Variants in KLHL4 observed in about 807,000 individuals in gnomAD.
The protein encoded by KLHL4 is kelch-like protein 4.
KLHL4 carries 17 observed loss-of-function variants against 45.8 expected under a neutral mutation model. The ratio of observed to expected loss-of-function variants is 0.37; its 90% CI spans 0.25 to 0.56. KLHL4 has a LOEUF of 0.56. KLHL4 is among the 20% of genes least tolerant of loss of function. The probability of loss-of-function intolerance (pLI) is 0.79; values close to 1 mark genes in which losing one functional copy is unlikely to be tolerated. For synonymous variants in KLHL4, 224 were observed against 189.9 expected, an observed-to-expected ratio of 1.18 and a Z score of -1.47; for missense variants, 544 against 544.9, an observed-to-expected ratio of 1.00 and a Z score of 0.02.
chrX:87,604,342 G>A (rs768806961), intron 1 of KLHL4, among the ~76,000 whole-genome samples: 2 of 111,062 alleles, frequency 1.8e-5, no homozygotes, highest in South Asian at 7.6e-4. Context: ...AAATCTACAT[G>A]CTGTTTTCCA....
In KLHL4 at chrX:87,622,347, G is replaced by A. The variant is rs1349335740; in HGVS notation, c.1061G>A (p.Gly354Glu). The part of the protein sequence containing the change: ...TIFHALMQWV[G>E]HDVQNRQGEL... Reference sequence around the variant, plus strand: ...TTTCATGCTCTAATGCAGTGGGTGGGGCATGATGTGCAGAATAGGCAAGGA... The same window carrying A: ...TTTCATGCTCTAATGCAGTGGGTGGAGCATGATGTGCAGAATAGGCAAGGA... The change falls in exon 5 of 11, where the codon GGG becomes GAG. Residue 354 changes from glycine to glutamate, a missense_variant. Transcript: ENST00000373119. The A allele has an allele frequency of 1.7e-6, 2 of 1,209,278 alleles. No homozygotes were observed. Among genetic ancestry groups the A allele is most frequent in the Admixed American group, 4.4e-5 (2 of 45,896 alleles).
Position 87,644,023 on chromosome X carries a change from TCAA to T in KLHL4, c.1925+8251_1925+8253del, listed in dbSNP as rs1373851368. Among the ~76,000 whole-genome samples, 168 of 111,320 alleles carry T rather than the reference TCAA, an allele frequency of 1.5e-3. 1 individual carries two copies. The highest frequency in any genetic ancestry group is 5.1e-3 in the African/African-American group (157 of 30,650). On this transcript the variant is annotated intron_variant, in intron 9 of 10. Transcript: ENST00000373119. ...GGCTGCCCACTGTCTGCACTCCTCT[TCAA>T]CATGGTACTGGAAGTCATAGCCAGA...
intron 1 of KLHL4, among the ~76,000 whole-genome samples, chrX:87,519,244 A>G (rs1407455698): frequency 8.9e-6 from 1 of 112,017 alleles, no homozygotes; most frequent in Non-Finnish European, 1.9e-5. Context: ...ATAGAAAAAT[A>G]AGTGTTTTTA....
At chrX:87,543,535 G>A (rs1248312333) in intron 1 of KLHL4, among the ~76,000 whole-genome samples, 2 of 111,289 alleles carry the variant, frequency 1.8e-5, no homozygotes, top group Non-Finnish European at 3.8e-5. Context: ...GGTGCAGAGA[G>A]CTTCTCTGGG....
intron 1 of KLHL4, among the ~76,000 whole-genome samples, chrX:87,583,522 G>A (rs1163999380): frequency 1.8e-5 from 2 of 112,093 alleles, no homozygotes; most frequent in Non-Finnish European, 3.8e-5. Flanking sequence ...TCAGAGTTGT[G>A]AGGCCCACAT....
chrX:87,607,717 C>T (rs760446990), intron 1 of KLHL4, among the ~76,000 whole-genome samples: 2 of 111,693 alleles, frequency 1.8e-5, no homozygotes, highest in African/African-American at 3.2e-5. Flanking sequence ...CTCTCATAAA[C>T]GGCTCTTCTT....
chrX:87,628,730 T>A lies in KLHL4; in HGVS notation c.1324+2934T>A, dbSNP rs777112135. Among the ~76,000 whole-genome samples, 4 of 111,453 alleles carry A rather than the reference T, an allele frequency of 3.6e-5. No homozygotes were observed. In the South Asian group the frequency reaches 1.5e-3, roughly 42 times the overall value. ...ATTGAAATTTTAAAAATTTGAAAAA[T>A]TTAACTTTTATATTTTGATGTTTAG... On this transcript the variant is annotated intron_variant, in intron 6 of 10. Transcript: ENST00000373119.
chrX:87,635,576 G>A lies in KLHL4; in HGVS notation c.1726G>A (p.Gly576Ser). ...CTTTTTATCTAGATTATATGCTATT[G>A]GTGGACGTGATGGAAGTTCCTGCCT... ...VALNNKLYAI[G>S]GRDGSSCLKS... Residue 576 changes from glycine to serine, a missense_variant, in exon 9 of 11, where the codon GGT (glycine) becomes AGT (serine). Gly to Ser is a moderately conservative substitution (Grantham distance 56). Coordinates refer to ENST00000373119, the MANE Select transcript of KLHL4 (RefSeq NM_019117.5). 8.3e-7 allele frequency: 1 copy of A among 1,206,956 alleles called. No individual in the cohort carries two copies. Among genetic ancestry groups the A allele is most frequent in the Non-Finnish European group, 1.1e-6 (1 of 891,678 alleles).
At chrX:87,552,884 A>G (rs1174386004) in intron 1 of KLHL4, among the ~76,000 whole-genome samples, 1 of 110,128 alleles carries the variant, frequency 9.1e-6, no homozygotes, top group African/African-American at 3.3e-5. Flanking sequence ...AAGAATTACT[A>G]TCTGATAGCA....
chrX:87,654,783 T>C (rs759510259), intron 9 of KLHL4, among the ~76,000 whole-genome samples: 26 of 112,080 alleles, frequency 2.3e-4, no homozygotes, highest in Non-Finnish European at 4.1e-4. Context: ...GTGTTCCCTT[T>C]TCTCTGCATC....
chrX:87,538,883 G>C (rs1233434766), intron 1 of KLHL4, among the ~76,000 whole-genome samples: 1 of 111,376 alleles, frequency 9.0e-6, no homozygotes, highest in Non-Finnish European at 1.9e-5. Flanking sequence ...TGCTTCTCTT[G>C]CTGGACATTG....
At chrX:87,528,519 A>G (rs952568593) in intron 1 of KLHL4, among the ~76,000 whole-genome samples, 1 of 108,665 alleles carries the variant, frequency 9.2e-6, no homozygotes, top group Non-Finnish European at 1.9e-5. Context: ...GATTGAGACC[A>G]TCCTGGCCAA....
intron 1 of KLHL4, among the ~76,000 whole-genome samples, chrX:87,579,758 G>A (rs1210442308): frequency 1.8e-5 from 2 of 111,665 alleles, no homozygotes. Flanking sequence ...ATGAAGGAGA[G>A]ATAAAGACAT....
intron 1 of KLHL4, among the ~76,000 whole-genome samples, chrX:87,555,031 T>G (rs545958450): frequency 1.2e-4 from 12 of 102,421 alleles, no homozygotes; most frequent in African/African-American, 4.3e-4. Flanking sequence ...TATTGATTTG[T>G]GTATATTGAA....
At chrX:87,569,089 T>C (rs1305042883) in intron 1 of KLHL4, among the ~76,000 whole-genome samples, 1 of 111,259 alleles carries the variant, frequency 9.0e-6, no homozygotes, top group Non-Finnish European at 1.9e-5. Flanking sequence ...AGAGGGCTTG[T>C]GTCTGGAATA....
At position 87,633,829 on chromosome X, in the gene KLHL4, G is replaced by A; in HGVS notation, c.1630G>A (p.Asp544Asn). The A allele has an allele frequency of 8.3e-7, 1 of 1,206,566 alleles. No homozygotes were observed. The highest frequency in any genetic ancestry group is 1.1e-6 in the Non-Finnish European group (1 of 891,451). ...CTATCTAAATACTGTAGAAAGATGGGACCCTGAGGGACGACAGTGGAATTA... is the reference window on the plus strand; with the variant it reads ...CTATCTAAATACTGTAGAAAGATGGAACCCTGAGGGACGACAGTGGAATTA... ...WSYLNTVERW[D>N]PEGRQWNYVA... Residue 544 changes from aspartate (D) to asparagine (N), a missense_variant, in exon 8 of 11, where the codon GAC (aspartate) becomes AAC (asparagine). Physicochemically the swap from Asp to Asn is conservative, Grantham distance 23 (BLOSUM62 1). Coordinates refer to ENST00000373119, the MANE Select transcript of KLHL4 (RefSeq NM_019117.5).
Position 87,669,188 on chromosome X carries a change from C to T in KLHL4, c.*2654C>T, listed in dbSNP as rs1006696592. 4 of 1,082,975 alleles carry T rather than the reference C, an allele frequency of 3.7e-6. No homozygotes were observed. The South Asian group carries it at 9.8e-5, about 26-fold the overall frequency. The allele number at this position is 1,082,975 out of a possible 1,213,427, so 89.2% of individuals were successfully genotyped here. On this transcript the variant is annotated 3_prime_UTR_variant, in exon 11 of 11. Coordinates refer to ENST00000373119, the MANE Select transcript of KLHL4 (RefSeq NM_019117.5). ...TGTAAGGGCTCACACATTTACTGTA[C>T]TCAGATCTGAAAGACAATGTTGCTT... is the stretch of plus-strand genomic sequence containing the variant.
chrX:87,566,031 G>A (rs986189569), intron 1 of KLHL4, among the ~76,000 whole-genome samples: 5 of 110,223 alleles, frequency 4.5e-5, no homozygotes, highest in African/African-American at 1.7e-4. Context: ...CATGGCGCAC[G>A]TATACCTATG....
intron 9 of KLHL4, among the ~76,000 whole-genome samples, chrX:87,644,713 A>G (rs1362097325): frequency 3.6e-5 from 4 of 111,732 alleles, no homozygotes; most frequent in Non-Finnish European, 5.6e-5. Flanking sequence ...AGGCACATAG[A>G]CCAGTGGAAC....
Sources: gnomAD v4.1 joint callset for allele counts (sites outside exome capture counted in the v4.1 genomes callset) on GRCh38, gnomAD v4.1.1 for gene constraint, MANE v1.5 for transcripts, NCBI Gene and HGNC (gene_info 2026-07-23, HGNC 2026-07-21) for gene names.